TMEM117: variants seen among roughly 807,000 people sequenced by gnomAD.
TMEM117 encodes transmembrane protein 117.
A neutral mutation model predicts 52.4 loss-of-function variants in TMEM117; 27 were observed. The ratio of observed to expected loss-of-function variants is 0.51; its 90% confidence interval spans 0.38 to 0.71. The LOEUF (loss-of-function observed/expected upper bound fraction) is 0.71. Among genes scored for constraint, TMEM117 ranks in the 30% least tolerant of loss-of-function variants. The probability of loss-of-function intolerance (pLI) is 0.00; values close to 1 mark genes in which losing one functional copy is unlikely to be tolerated. For missense variants in TMEM117, 556 were observed against 630.5 expected (o/e 0.88, Z 1.26); for synonymous variants, 215 against 206.3 (o/e 1.04, Z -0.36).
At chr12:44,228,537 A>G (rs765392982) in intron 5 of TMEM117, among the ~76,000 whole-genome samples, 31 of 152,160 alleles carry the variant, frequency 2.0e-4, no homozygotes, top group Non-Finnish European at 4.1e-4. Context: ...AATAAATCCC[A>G]TAATGGCATA....
rs77256310 is a variant in TMEM117, at chr12:44,256,463, A to T, written c.609-43117A>T. Among the ~76,000 whole-genome samples, 77 of 152,186 alleles carry T rather than the reference A, an allele frequency of 5.1e-4. 2 individuals carry two copies. The East Asian group carries it at 0.015, about 29-fold the overall frequency. On this transcript the variant is annotated intron_variant, in intron 5 of 7. Transcript: ENST00000266534. The stretch of plus-strand genomic sequence containing the variant: ...ATTCCATTTCAGGTTTCATCTCATT[A>T]TTTATAATTTGATCAGATTCACAAG...
intron 3 of TMEM117, among the ~76,000 whole-genome samples, chr12:44,032,093 G>A (rs1946641834): frequency 6.6e-6 from 1 of 152,168 alleles, no homozygotes; most frequent in African/African-American, 2.4e-5. Context: ...GTATTTGATG[G>A]TACAAACCCA....
intron 4 of TMEM117, among the ~76,000 whole-genome samples, chr12:44,199,819 G>A (rs954598091): frequency 6.6e-6 from 1 of 152,068 alleles, no homozygotes; most frequent in Non-Finnish European, 1.5e-5. Context: ...ACTAAATGCT[G>A]TTAAAGAATA....
chr12:44,064,697 T>G (rs1947194591), intron 3 of TMEM117, among the ~76,000 whole-genome samples: 2 of 152,238 alleles, frequency 1.3e-5, no homozygotes, highest in Non-Finnish European at 2.9e-5. Flanking sequence ...TTTCTATCCT[T>G]GGTTTTGAAC....
At chr12:44,306,213 A>G (rs1018208615) in intron 6 of TMEM117, among the ~76,000 whole-genome samples, 5 of 152,214 alleles carry the variant, frequency 3.3e-5, no homozygotes, top group African/African-American at 4.8e-5. Flanking sequence ...CCATACCCCA[A>G]TTCTTAGCAT....
chr12:44,188,562 G>C (rs576263459), intron 4 of TMEM117, among the ~76,000 whole-genome samples: 17 of 152,088 alleles, frequency 1.1e-4, no homozygotes, highest in South Asian at 4.2e-4. Context: ...GATAATCAAC[G>C]CACTTTAGTA....
the TMEM117 span, among the ~76,000 whole-genome samples, chr12:44,395,265 TAC>T: frequency 6.6e-6 from 1 of 152,214 alleles, no homozygotes; most frequent in Non-Finnish European, 1.5e-5. Flanking sequence ...CTCTGTCATT[TAC>T]ATATCCAAAT....
chr12:43,957,035 C>T (rs538265289), intron 3 of TMEM117, among the ~76,000 whole-genome samples: 5 of 152,258 alleles, frequency 3.3e-5, no homozygotes, highest in African/African-American at 9.6e-5. Context: ...CCATCATCCT[C>T]AGCAAACTAA....
intron 5 of TMEM117, among the ~76,000 whole-genome samples, chr12:44,240,819 A>G (rs1277714416): frequency 6.6e-6 from 1 of 152,086 alleles, no homozygotes; most frequent in East Asian, 1.9e-4. Flanking sequence ...GTGAATATCA[A>G]TTTACATATA....
At chr12:44,190,655 C>T (rs1319057054) in intron 4 of TMEM117, among the ~76,000 whole-genome samples, 1 of 151,404 alleles carries the variant, frequency 6.6e-6, no homozygotes, top group Non-Finnish European at 1.5e-5. Flanking sequence ...CGTTGAAAGC[C>T]AAAAAAGAAA....
intron 3 of TMEM117, among the ~76,000 whole-genome samples, chr12:43,963,619 G>A (rs1177502443): frequency 6.6e-6 from 1 of 152,228 alleles, no homozygotes; most frequent in Non-Finnish European, 1.5e-5. Context: ...GGTTCAAGAA[G>A]TAGGACATTG....
chr12:44,196,344 TAAAAC>T (rs1275155535), intron 4 of TMEM117, among the ~76,000 whole-genome samples: 2 of 151,856 alleles, frequency 1.3e-5, no homozygotes, highest in Non-Finnish European at 2.9e-5. Flanking sequence ...GAAAGGCTAA[TAAAAC>T]TAACAAATAT....
At chr12:44,227,824 C>T (rs1466462232) in intron 5 of TMEM117, among the ~76,000 whole-genome samples, 1 of 152,086 alleles carries the variant, frequency 6.6e-6, no homozygotes, top group Non-Finnish European at 1.5e-5. Flanking sequence ...TGTTGATCTC[C>T]TCAAGGGCAG....
intron 3 of TMEM117, among the ~76,000 whole-genome samples, chr12:43,946,931 A>G (rs748630036): frequency 2.6e-5 from 4 of 152,240 alleles, no homozygotes; most frequent in Middle Eastern, 3.2e-3. Flanking sequence ...ACTCTTCACC[A>G]TTATGCCTCA....
At chr12:43,937,623 G>C (rs1462139742) in intron 2 of TMEM117, among the ~76,000 whole-genome samples, 1 of 152,132 alleles carries the variant, frequency 6.6e-6, no homozygotes, top group Non-Finnish European at 1.5e-5. Flanking sequence ...AAGTTGGGGA[G>C]GAGAGCAGCT....
At chr12:44,293,490 G>T (rs142902013) in intron 5 of TMEM117, among the ~76,000 whole-genome samples, 100 of 152,036 alleles carry the variant, frequency 6.6e-4, no homozygotes, top group African/African-American at 2.3e-3. Context: ...CTATTCTTCT[G>T]TTCCTTTCTT....
At chr12:44,124,475 T>C (rs1284516054) in intron 3 of TMEM117, among the ~76,000 whole-genome samples, 2 of 152,234 alleles carry the variant, frequency 1.3e-5, no homozygotes, top group Non-Finnish European at 2.9e-5. Flanking sequence ...AACCTTGTCT[T>C]GTGCCAGTTT....
intron 6 of TMEM117, among the ~76,000 whole-genome samples, chr12:44,335,341 CAG>C (rs1187124121): frequency 6.6e-6 from 1 of 152,006 alleles, no homozygotes; most frequent in African/African-American, 2.4e-5. Flanking sequence ...TAAGTCTAAA[CAG>C]AATAAGTCTC....
chr12:43,898,250 AT>A (rs1944244323), intron 2 of TMEM117, among the ~76,000 whole-genome samples: 1 of 151,822 alleles, frequency 6.6e-6, no homozygotes, highest in South Asian at 2.1e-4. Flanking sequence ...TTGTGACTTT[AT>A]TTCCTGTTAA....
Sources: allele counts gnomAD v4.1 joint callset (sites outside exome capture counted in the v4.1 genomes callset), GRCh38; gene constraint gnomAD v4.1.1; transcripts MANE v1.5; gene names NCBI Gene and HGNC (gene_info 2026-07-23, HGNC 2026-07-21).